RBFOX1: variants seen among roughly 807,000 people sequenced by gnomAD.
RBFOX1 encodes the protein RNA binding protein fox-1 homolog 1.
In RBFOX1, 8 loss-of-function variants were observed where a neutral mutation model predicts 57.7. That is an observed-to-expected ratio of 0.14 (90% CI 0.08 to 0.25). The LOEUF is 0.25. Ranked by LOEUF, RBFOX1 falls within the 10% of genes least tolerant of loss-of-function variation. The probability of loss-of-function intolerance (pLI) is 1.00; values close to 1 mark genes in which losing one functional copy is unlikely to be tolerated. For synonymous variants in RBFOX1, 326 were observed against 222.4 expected, an observed-to-expected ratio of 1.47 and a Z score of -4.15; for missense variants, 611 against 548.5, an observed-to-expected ratio of 1.11 and a Z score of -1.14.
chr16:5,656,367 T>C (rs1475618376), intron 3 of RBFOX1, among the ~76,000 whole-genome samples: 1 of 152,214 alleles, frequency 6.6e-6, no homozygotes, highest in African/African-American at 2.4e-5. Flanking sequence ...TCTTTATTAG[T>C]ATGTCTTGCA....
chr16:6,779,502 C>A (rs1023934848), intron 3 of RBFOX1, among the ~76,000 whole-genome samples: 5 of 151,300 alleles, frequency 3.3e-5, no homozygotes, highest in African/African-American at 1.2e-4. Context: ...CTCTTCTATA[C>A]ACTAACTTTC....
At position 5,424,924 on chromosome 16, in the gene RBFOX1, T is replaced by TC. The variant is rs1491572644; in HGVS notation, c.220-42292_220-42291insC. On this transcript the variant is annotated intron_variant, in intron 1 of 2. Transcript: ENST00000585867. ...CTTTCTTTCTTTCTTTCTTTCTTTC[T>TC]TTCTTTCTTTCTCTCTCTTCTTTCT... Among the ~76,000 whole-genome samples the TC allele has an allele frequency of 5.7e-4, 66 of 115,600 alleles. 2 individuals carry two copies. The East Asian group carries it at 6.5e-3, about 11-fold the overall frequency. The allele number at this position is 115,600 out of a possible 152,430, so 75.8% of individuals were successfully genotyped here. A position where few individuals can be genotyped will look rare whatever the true frequency, so the allele number is the denominator to read the frequency against.
chr16:6,665,703 AAATAAT>A (rs1277676667), intron 3 of RBFOX1, among the ~76,000 whole-genome samples: 10 of 151,948 alleles, frequency 6.6e-5, no homozygotes, highest in Non-Finnish European at 1.0e-4. Flanking sequence ...AAAGGAAAAT[AAATAAT>A]AATAATAATA....
rs184164359 is a variant in RBFOX1 at position 7,594,138 on chromosome 16, G to A, written c.469-1411G>A. Among the ~76,000 whole-genome samples the A allele has an allele frequency of 1.3e-3, 152 of 119,682 alleles. 1 individual carries two copies. The highest frequency in any genetic ancestry group is 4.3e-3 in the African/African-American group (138 of 32,058). The allele number at this position is 119,682 out of a possible 152,430, so 78.5% of individuals were successfully genotyped here. A position where few individuals can be genotyped will look rare whatever the true frequency, so the allele number is the denominator to read the frequency against. On this transcript the variant is annotated intron_variant, in intron 7 of 15. Coordinates refer to ENST00000550418, the MANE Select transcript of RBFOX1 (RefSeq NM_018723.4). ...TATCCCTCCCCCAGCCCCCCACCCCGTGACAGGCCCTGGTGTGTGATGTTC... is the reference window on the plus strand; with the variant it reads ...TATCCCTCCCCCAGCCCCCCACCCCATGACAGGCCCTGGTGTGTGATGTTC...
chr16:6,837,306 G>T (rs952984137), intron 3 of RBFOX1, among the ~76,000 whole-genome samples: 2 of 152,208 alleles, frequency 1.3e-5, no homozygotes, highest in African/African-American at 4.8e-5. Flanking sequence ...GACCCAGGCT[G>T]CTTCCATTTT....
At chr16:6,480,056 A>C (rs976005735) in intron 2 of RBFOX1, among the ~76,000 whole-genome samples, 1 of 151,688 alleles carries the variant, frequency 6.6e-6, no homozygotes, top group Non-Finnish European at 1.5e-5. Context: ...CCTCGAAAAA[A>C]AAAAAAAAAA....
intron 4 of RBFOX1, among the ~76,000 whole-genome samples, chr16:7,413,434 G>T (rs1031399582): frequency 6.6e-6 from 1 of 152,058 alleles, no homozygotes; most frequent in African/African-American, 2.4e-5. Context: ...CACTGGGTCT[G>T]GGATGGGGCC....
chr16:7,695,209 C>T (rs534724406), intron 14 of RBFOX1, among the ~76,000 whole-genome samples: 7 of 152,160 alleles, frequency 4.6e-5, no homozygotes, highest in African/African-American at 7.2e-5. Context: ...CATAAGGTTC[C>T]GTTTGAACTC....
At chr16:7,125,463 C>T (rs978992868) in intron 4 of RBFOX1, among the ~76,000 whole-genome samples, 1 of 152,156 alleles carries the variant, frequency 6.6e-6, no homozygotes, top group Non-Finnish European at 1.5e-5. Flanking sequence ...TTAAAAATTT[C>T]AAACCTGTCG....
At chr16:7,199,415 T>C (rs1406889876) in intron 4 of RBFOX1, among the ~76,000 whole-genome samples, 1 of 152,180 alleles carries the variant, frequency 6.6e-6, no homozygotes, top group Non-Finnish European at 1.5e-5. Flanking sequence ...AGGCCCTGAA[T>C]CATGCACTTC....
intron 3 of RBFOX1, among the ~76,000 whole-genome samples, chr16:5,751,905 C>T (rs913245900): frequency 2.0e-5 from 3 of 152,076 alleles, no homozygotes; most frequent in African/African-American, 7.2e-5. Context: ...ACCATTTGAC[C>T]CAGCAATCCC....
chr16:6,037,538 A>C (rs1360204442), intron 1 of RBFOX1: 2 of 151,920 alleles, frequency 1.3e-5, no homozygotes, highest in Non-Finnish European at 2.9e-5. Flanking sequence ...AAAAAAAAAA[A>C]AAACAGTCCG....
At chr16:7,693,415 CCT>C (rs1491195568) in intron 14 of RBFOX1, 16 of 973,486 alleles carry the variant, frequency 1.6e-5, no homozygotes, top group Non-Finnish European at 2.2e-5. Flanking sequence ...GTCTCAGTAT[CCT>C]TTTTTTTTTT....
intron 1 of RBFOX1, among the ~76,000 whole-genome samples, chr16:6,109,978 G>T (rs559443210): frequency 1.5e-4 from 23 of 152,056 alleles, no homozygotes; most frequent in African/African-American, 5.3e-4. Flanking sequence ...TATGTATCTT[G>T]GGTCTCTAAT....
chr16:5,963,041 G>T (rs979930809), intron 4 of RBFOX1, among the ~76,000 whole-genome samples: 3 of 152,074 alleles, frequency 2.0e-5, no homozygotes, highest in African/African-American at 7.2e-5. Flanking sequence ...ATTTACGGTT[G>T]TATTATGTAT....
chr16:6,673,774 G>A (rs192943798), intron 3 of RBFOX1, among the ~76,000 whole-genome samples: 10 of 152,232 alleles, frequency 6.6e-5, no homozygotes, highest in African/African-American at 1.4e-4. Flanking sequence ...GAGATAAGTC[G>A]CATATTCCTA....
chr16:7,262,988 G>C (rs1567944106), intron 4 of RBFOX1, among the ~76,000 whole-genome samples: 1 of 152,182 alleles, frequency 6.6e-6, no homozygotes, highest in Non-Finnish European at 1.5e-5. Context: ...AAGTGTTAGA[G>C]GGTGATAGGA....
At chr16:7,144,417 C>CTTCTTTTTTTTTTTTTTTTTTTTTTTT (rs3046798) in intron 4 of RBFOX1, among the ~76,000 whole-genome samples, 12 of 66,926 alleles carry the variant, frequency 1.8e-4, no homozygotes, top group East Asian at 4.7e-4. Flanking sequence ...TTTCTTTCTT[C>CTTCTTTTTTTTTTTTTTTTTTTTTTTT]TTTTTTTTTT....
chr16:7,160,831 CCTCCTT>C lies in RBFOX1; in HGVS notation c.27+108735_27+108740del, dbSNP rs879919582. Among the ~76,000 whole-genome samples, 513 of 141,048 alleles carry C rather than the reference CCTCCTT, an allele frequency of 3.6e-3. 4 individuals carry two copies. Among genetic ancestry groups the C allele is most frequent in the South Asian group, 0.025 (110 of 4,382 alleles). 92.5% of individuals were successfully genotyped at this position (141,048 alleles called of 152,430 possible). On this transcript the variant is annotated intron_variant, in intron 4 of 15. Coordinates refer to ENST00000550418, the MANE Select transcript of RBFOX1 (RefSeq NM_018723.4). ...TTCTTCTCCCTCCTCCCTCCTCCCT[CCTCCTT>C]CCTCCTCCTCCTCCTCCTCCTTCTT...
Sources: allele counts gnomAD v4.1 joint callset (sites outside exome capture counted in the v4.1 genomes callset), GRCh38; gene constraint gnomAD v4.1.1; transcripts MANE v1.5; gene names NCBI Gene and HGNC (gene_info 2026-07-23, HGNC 2026-07-21).